Variants in PCDHGB2 observed in about 807,000 individuals in gnomAD.
The protein encoded by PCDHGB2 is protocadherin gamma-B2.
PCDHGB2 carries 55 observed loss-of-function variants against 59.3 expected under a neutral mutation model. The ratio of observed to expected loss-of-function variants is 0.93; its 90% CI spans 0.75 to 1.16. PCDHGB2 has a LOEUF of 1.16. Among genes scored for constraint, PCDHGB2 ranks in the 50% most tolerant of loss-of-function variants. The probability of loss-of-function intolerance (pLI) is 0.00; values close to 1 mark genes in which losing one functional copy is unlikely to be tolerated. For missense variants in PCDHGB2, 1,228 were observed against 1,198.5 expected (o/e 1.02, Z -0.36); for synonymous variants, 516 against 512.0 (o/e 1.01, Z -0.11).
intron 1 of PCDHGB2, chr5:141,392,972 G>C (rs2092640426): frequency 6.2e-7 from 1 of 1,613,802 alleles, no homozygotes; most frequent in African/African-American, 1.3e-5. Context: ...AGGACCTGGG[G>C]CTGGACCCCC....
rs1344998245 is a variant in PCDHGB2 at position 141,400,678 on chromosome 5, T to C, written c.2421+38122T>C. 7.9e-6 allele frequency: 7 copies of C among 881,884 alleles called. No homozygotes were observed. The East Asian group carries it at 1.5e-4, about 19-fold the overall frequency. The allele number at this position is 881,884 out of a possible 1,614,324, so 54.6% of individuals were successfully genotyped here. On this transcript the variant is annotated intron_variant, in intron 1 of 3. Coordinates refer to ENST00000522605, the MANE Select transcript of PCDHGB2 (RefSeq NM_018923.3). ...ACCATTCTTTAAGAGGAGCAGTAAA[T>C]TGTGAGTTTTTATGTCGCATAAAAG...
chr5:141,498,306 A>C (rs2099783027), intron 2 of PCDHGB2, among the ~76,000 whole-genome samples: 1 of 151,810 alleles, frequency 6.6e-6, no homozygotes, highest in African/African-American at 2.4e-5. Flanking sequence ...TCTGGGTCAC[A>C]CTGCCTACAC....
At chr5:141,456,984 C>T (rs374156327) in intron 1 of PCDHGB2, among the ~76,000 whole-genome samples, 1 of 152,082 alleles carries the variant, frequency 6.6e-6, no homozygotes, top group Admixed American at 6.6e-5. Flanking sequence ...AACAAACAAA[C>T]AAACAAAAAC....
At chr5:141,439,796 G>C (rs980000701) in intron 1 of PCDHGB2, 4 of 152,318 alleles carry the variant, frequency 2.6e-5, no homozygotes, top group African/African-American at 9.6e-5. Flanking sequence ...AATCCAAGAA[G>C]AGTTTGAAAA....
chr5:141,393,533 G>T (rs1475648389), intron 1 of PCDHGB2: 2 of 1,613,950 alleles, frequency 1.2e-6, no homozygotes, highest in South Asian at 1.1e-5. Flanking sequence ...ACAATGCCCC[G>T]GTTTTTCCTC....
chr5:141,406,415 GC>G (rs2094806009), intron 1 of PCDHGB2, among the ~76,000 whole-genome samples: 1 of 152,164 alleles, frequency 6.6e-6, no homozygotes, highest in Non-Finnish European at 1.5e-5. Flanking sequence ...ACAGCTGAAA[GC>G]CCAGATTTAT....
chr5:141,416,728 T>C (rs2096057160), intron 1 of PCDHGB2: 1 of 152,232 alleles, frequency 6.6e-6, no homozygotes, highest in Non-Finnish European at 1.5e-5. Context: ...GTTCATTTAG[T>C]TCAATGAAAA....
chr5:141,373,689 C>T (rs575785726), intron 1 of PCDHGB2, among the ~76,000 whole-genome samples: 2 of 152,314 alleles, frequency 1.3e-5, no homozygotes, highest in East Asian at 1.9e-4. Context: ...CTTCAGAGAA[C>T]ATTTAAAATT....
intron 1 of PCDHGB2, among the ~76,000 whole-genome samples, chr5:141,492,893 C>T (rs936521362): frequency 2.0e-5 from 3 of 152,178 alleles, no homozygotes; most frequent in Admixed American, 6.5e-5. Flanking sequence ...AGGCTTTTGG[C>T]GCCGTCGTGA....
intron 1 of PCDHGB2, among the ~76,000 whole-genome samples, chr5:141,465,263 T>C (rs538393085): frequency 1.3e-5 from 2 of 152,326 alleles, no homozygotes; most frequent in African/African-American, 4.8e-5. Flanking sequence ...GCAATGATAC[T>C]AGCCATTTAG....
chr5:141,443,947 T>C (rs2098410978), intron 1 of PCDHGB2, among the ~76,000 whole-genome samples: 1 of 152,082 alleles, frequency 6.6e-6, no homozygotes, highest in Non-Finnish European at 1.5e-5. Flanking sequence ...GGTTTCCTTA[T>C]TGGTATGTAT....
chr5:141,444,920 G>A (rs2098451595), intron 1 of PCDHGB2, among the ~76,000 whole-genome samples: 1 of 152,110 alleles, frequency 6.6e-6, no homozygotes, highest in Non-Finnish European at 1.5e-5. Context: ...ACCTTTATCA[G>A]GGAAAGAGGG....
At chr5:141,375,949 C>T (rs759212599) in intron 1 of PCDHGB2, 36 of 1,613,450 alleles carry the variant, frequency 2.2e-5, no homozygotes, top group African/African-American at 2.7e-5. Flanking sequence ...TGGGCCTGCA[C>T]ACGGGCGAGG....
intron 1 of PCDHGB2, among the ~76,000 whole-genome samples, chr5:141,402,229 AG>A (rs1400203598): frequency 6.6e-6 from 1 of 152,110 alleles, no homozygotes; most frequent in Non-Finnish European, 1.5e-5. Context: ...ACGTTTTTCC[AG>A]GAATTTTATC....
intron 1 of PCDHGB2, among the ~76,000 whole-genome samples, chr5:141,363,469 T>G (rs892599047): frequency 2.0e-5 from 3 of 152,254 alleles, no homozygotes; most frequent in African/African-American, 4.8e-5. Context: ...TATCTGCTCA[T>G]GCTTTCCTGC....
chr5:141,414,792 C>T (rs2095788725), intron 1 of PCDHGB2: 6 of 1,614,230 alleles, frequency 3.7e-6, no homozygotes, highest in African/African-American at 2.7e-5. Flanking sequence ...TGACAGCCAG[C>T]GACAGCGGGG....
chr5:141,364,426 C>T (rs1763319753), intron 1 of PCDHGB2: 1 of 1,613,566 alleles, frequency 6.2e-7, no homozygotes. Flanking sequence ...GGCAGATCCG[C>T]TACTCGATGC....
chr5:141,363,134 T>G (rs969653760), intron 1 of PCDHGB2, among the ~76,000 whole-genome samples: 4 of 152,230 alleles, frequency 2.6e-5, no homozygotes, highest in Admixed American at 1.3e-4. Flanking sequence ...CTAGAAAGAG[T>G]GCATTTAACA....
intron 1 of PCDHGB2, among the ~76,000 whole-genome samples, chr5:141,407,382 A>G (rs1158380926): frequency 6.6e-6 from 1 of 152,218 alleles, no homozygotes; most frequent in Non-Finnish European, 1.5e-5. Context: ...GAAGGCTTGT[A>G]TGTCATGGTA....
Sources: allele counts gnomAD v4.1 joint callset (sites outside exome capture counted in the v4.1 genomes callset), GRCh38; gene constraint gnomAD v4.1.1; transcripts MANE v1.5; gene names NCBI Gene and HGNC (gene_info 2026-07-23, HGNC 2026-07-21).